The following TBCE variants were observed in gnomAD, a reference collection of about 807,000 sequenced individuals.
TBCE encodes tubulin folding cofactor E.
In TBCE, 53 loss-of-function variants were observed where a neutral mutation model predicts 77.0. The ratio of observed to expected loss-of-function variants is 0.69; its 90% CI spans 0.55 to 0.87. TBCE has a LOEUF of 0.87. Ranked by LOEUF, TBCE falls within the 40% of genes least tolerant of loss-of-function variation. The pLI is 0.00. For missense variants in TBCE, 624 were observed against 622.4 expected, an observed-to-expected ratio of 1.00 and a Z score of -0.03; for synonymous variants, 235 against 241.3, an observed-to-expected ratio of 0.97 and a Z score of 0.24.
At chr1:235,379,476 C>T (rs975682202) in intron 1 of TBCE, among the ~76,000 whole-genome samples, 2 of 151,360 alleles carry the variant, frequency 1.3e-5, no homozygotes, top group African/African-American at 2.4e-5. Flanking sequence ...TGCAGTGAGC[C>T]GAGATCGTGC....
At chr1:235,398,615 G>A (rs1678890779) in intron 2 of TBCE, among the ~76,000 whole-genome samples, 1 of 145,378 alleles carries the variant, frequency 6.9e-6, no homozygotes, top group Admixed American at 6.9e-5. Context: ...ATTATTTGTG[G>A]TGTTTTCTTT....
At position 235,434,466 on chromosome 1, in the gene TBCE, A is replaced by T. The variant is rs189312083; in HGVS notation, c.737+186A>T. The stretch of plus-strand genomic sequence containing the variant: ...AATTGGTTCTAATCAAAGGAAACTC[A>T]TCAGAATTAAATATTTGTGAAGACA... On this transcript the variant is annotated intron_variant, in intron 8 of 16. Transcript: ENST00000642610. Among the ~76,000 whole-genome samples the T allele has an allele frequency of 2.0e-5, 3 of 152,336 alleles. No homozygotes were observed. The East Asian group carries it at 5.8e-4, about 29-fold the overall frequency.
chr1:235,445,655 C>CAA (rs1275131158), intron 15 of TBCE, among the ~76,000 whole-genome samples: 1 of 151,830 alleles, frequency 6.6e-6, no homozygotes, highest in African/African-American at 2.4e-5. Context: ...CAAAACAAAA[C>CAA]AAAACTGCAA....
In TBCE at chr1:235,394,097, C is replaced by T. The variant is rs573654633; in HGVS notation, c.101-7406C>T. ...TTTATTTTTATTTATTTTTTTGAGACGGAGTCTCGCTCTGTCGCTCAGGCT... is the reference window on the plus strand; with the variant it reads ...TTTATTTTTATTTATTTTTTTGAGATGGAGTCTCGCTCTGTCGCTCAGGCT... On this transcript the variant is annotated intron_variant, in intron 2 of 16. Coordinates refer to ENST00000642610, the MANE Select transcript of TBCE (RefSeq NM_003193.5). Among the ~76,000 whole-genome samples, 6 of 152,022 alleles carry T rather than the reference C, an allele frequency of 3.9e-5. No individual in the cohort carries two copies. In the East Asian group the frequency reaches 9.7e-4, roughly 24 times the overall value.
intron 3 of TBCE, 146 bp downstream of exon 3, chr1:235,401,733 A>T: frequency 3.0e-6 from 2 of 670,066 alleles, no homozygotes; most frequent in Non-Finnish European, 2.6e-6. Context: ...CAGTTATTTT[A>T]TTTGTGGCTT....
At position 235,436,567 on chromosome 1, in the gene TBCE, TC is replaced by T. The variant is rs750781063; in HGVS notation, c.924del (p.Leu309Ter). ...GIGCKTSMFP[S>X]LKYLVVNDNQ... The stretch of plus-strand genomic sequence containing the variant: ...AGGGTGCAAAACGTCCATGTTCCCA[TC>T]CTTGAAGTACCTGGTAGTAAACGAC... On this transcript the variant is annotated frameshift_variant, in exon 11 of 17. Coordinates refer to ENST00000642610, the MANE Select transcript of TBCE (RefSeq NM_003193.5). LOFTEE classifies it high-confidence loss of function. The T allele has an allele frequency of 4.3e-6, 7 of 1,614,108 alleles. No homozygotes were observed. The highest frequency in any genetic ancestry group is 3.3e-5 in the Admixed American group (2 of 60,016).
At position 235,410,898 on chromosome 1, in the gene TBCE, C is replaced by T. The variant is rs1038827984; in HGVS notation, c.186-3535C>T. ...AAGGCCATTCATAACTCTTGAGTTC[C>T]GACAAAAGGTATATCTGGAAGATTA... On this transcript the variant is annotated intron_variant, in intron 3 of 16. Coordinates refer to ENST00000642610, the MANE Select transcript of TBCE (RefSeq NM_003193.5). 3.9e-5 allele frequency among the ~76,000 whole-genome samples: 6 copies of T among 152,138 alleles called. No individual in the cohort carries two copies. The East Asian group carries it at 5.8e-4, about 15-fold the overall frequency.
intron 2 of TBCE, among the ~76,000 whole-genome samples, chr1:235,384,483 A>T (rs1343351671): frequency 6.8e-6 from 1 of 146,386 alleles, no homozygotes. Flanking sequence ...GATTATTGCC[A>T]CAATTTCAGA....
chr1:235,400,849 C>T (rs1385602498), intron 2 of TBCE, among the ~76,000 whole-genome samples: 2 of 152,012 alleles, frequency 1.3e-5, no homozygotes, highest in Admixed American at 6.6e-5. Flanking sequence ...CATGTGTCAC[C>T]ACACCTGGCT....
At chr1:235,437,146 A>G (rs1042131107) in intron 11 of TBCE, among the ~76,000 whole-genome samples, 176 bp from the exon 12 acceptor site, 1 of 152,084 alleles carries the variant, frequency 6.6e-6, no homozygotes, top group Non-Finnish European at 1.5e-5. Flanking sequence ...AAACAAAACA[A>G]AACAAAAAAC....
In TBCE at chr1:235,380,100, T is replaced by C. The variant is rs577563620; in HGVS notation, c.51T>C (p.Asn17=). Residue 17 remains asparagine, a synonymous_variant, in exon 2 of 17, where the codon AAT becomes AAC. Coordinates refer to ENST00000642610, the MANE Select transcript of TBCE (RefSeq NM_003193.5). ...ADVIGRRVEV[N]GEHATVRFAG... ...TCATTGGTCGAAGAGTTGAAGTTAA[T>C]GGAGAACATGCAACAGTACGTTTTG... is the stretch of plus-strand genomic sequence containing the variant. The C allele has an allele frequency of 1.9e-6, 3 of 1,613,790 alleles. No individual in the cohort carries two copies. Among genetic ancestry groups the C allele is most frequent in the East Asian group, 4.5e-5 (2 of 44,876 alleles).
At chr1:235,405,262 C>T (rs888010522) in intron 3 of TBCE, among the ~76,000 whole-genome samples, 3 of 151,886 alleles carry the variant, frequency 2.0e-5, no homozygotes, top group Non-Finnish European at 4.4e-5. Flanking sequence ...TGCACTGGAC[C>T]TGAGCCTTCT....
rs760204612 is a variant in TBCE, at chr1:235,441,875, GCTA to G, written c.1336_1338del (p.Leu446del). ...AGCAACCACTTATGCTGAAAAACCA[GCTA>G]CTAAGTAAGAATCTCAGATTCAAAT... is the stretch of plus-strand genomic sequence containing the variant. On this transcript the variant is annotated inframe_deletion, in exon 14 of 17. Coordinates refer to ENST00000642610, the MANE Select transcript of TBCE (RefSeq NM_003193.5). The G allele has an allele frequency of 1.9e-6, 3 of 1,613,876 alleles. No individual in the cohort carries two copies. The highest frequency in any genetic ancestry group is 1.7e-5 in the Admixed American group (1 of 60,004).
intron 1 of TBCE, among the ~76,000 whole-genome samples, chr1:235,378,575 G>A (rs183614458): frequency 6.7e-4 from 102 of 152,138 alleles, no homozygotes; most frequent in African/African-American, 2.4e-3. Flanking sequence ...GGCCGGCCGC[G>A]GTGGCTGATG....
rs1055902206 is a variant in TBCE at position 235,374,504 on chromosome 1, A to G, written c.-31-5515A>G. ...TGGTAACAAATGGCCTTCCATATTT[A>G]TTTATTTATTTTTTGAGACTGAATC... On this transcript the variant is annotated intron_variant, in intron 1 of 16. Coordinates refer to ENST00000642610, the MANE Select transcript of TBCE (RefSeq NM_003193.5). Among the ~76,000 whole-genome samples, 7 of 144,598 alleles carry G rather than the reference A, an allele frequency of 4.8e-5. 1 individual carries two copies. Among genetic ancestry groups the G allele is most frequent in the Non-Finnish European group, 1.1e-4 (7 of 66,194 alleles). 94.9% of individuals were successfully genotyped at this position (144,598 alleles called of 152,430 possible). A position where few individuals can be genotyped will look rare whatever the true frequency, so the allele number is the denominator to read the frequency against.
chr1:235,375,746 A>G (rs1326104537), intron 1 of TBCE, among the ~76,000 whole-genome samples: 1 of 152,118 alleles, frequency 6.6e-6, no homozygotes, highest in Admixed American at 6.6e-5. Context: ...AGGATCATCA[A>G]AAATACTGAC....
chr1:235,392,400 ATT>A (rs557817776), intron 2 of TBCE, among the ~76,000 whole-genome samples: 3 of 54,028 alleles, frequency 5.6e-5, no homozygotes, highest in South Asian at 4.2e-4. Context: ...GCTGAACAGA[ATT>A]TTTTTTTTTT....
chr1:235,451,632 A>C lies in TBCE; in HGVS notation c.*2870A>C, dbSNP rs983831180. 1.3e-5 allele frequency: 2 copies of C among 152,194 alleles called. No homozygotes were observed. Among genetic ancestry groups the C allele is most frequent in the African/African-American group, 4.8e-5 (2 of 41,418 alleles). The allele number at this position is 152,194 out of a possible 1,614,324, so 9.4% of individuals were successfully genotyped here. A position where few individuals can be genotyped will look rare whatever the true frequency, so the allele number is the denominator to read the frequency against. On this transcript the variant is annotated 3_prime_UTR_variant, in exon 17 of 17. Coordinates refer to ENST00000642610, the MANE Select transcript of TBCE (RefSeq NM_003193.5). ...TTCAAAGATGAGACAAAGTACAGCAAAGGAATCAGACTATCAAAGTGGACC... is the reference window on the plus strand; with the variant it reads ...TTCAAAGATGAGACAAAGTACAGCACAGGAATCAGACTATCAAAGTGGACC...
intron 7 of TBCE, among the ~76,000 whole-genome samples, chr1:235,432,276 G>A (rs1235111836): frequency 6.6e-6 from 1 of 152,192 alleles, no homozygotes. Flanking sequence ...GAGCCACTGT[G>A]CCCAGCTTGG....
Sources: gnomAD v4.1 joint callset for allele counts (sites outside exome capture counted in the v4.1 genomes callset) on GRCh38, gnomAD v4.1.1 for gene constraint, MANE v1.5 for transcripts, NCBI Gene and HGNC (gene_info 2026-07-23, HGNC 2026-07-21) for gene names.